Variants in PGR observed in about 807,000 individuals in gnomAD.
PGR encodes the protein progesterone receptor.
PGR carries 25 observed loss-of-function variants against 76.1 expected under a neutral mutation model. The observed-to-expected ratio is 0.33, with a 90% CI of 0.24 to 0.46. The LOEUF is 0.46. Among genes scored for constraint, PGR ranks in the 20% least tolerant of loss-of-function variants. PGR has a pLI of 1.00. For synonymous variants in PGR, 579 were observed against 535.0 expected (o/e 1.08, Z -1.14); for missense variants, 1,172 against 1,225.3 (o/e 0.96, Z 0.65).
At chr11:101,119,418 A>C (rs765349084) in intron 2 of PGR, among the ~76,000 whole-genome samples, 1 of 152,236 alleles carries the variant, frequency 6.6e-6, no homozygotes, top group Non-Finnish European at 1.5e-5. Context: ...CAAAAGCTCT[A>C]TAACTCAGAT....
At chr11:101,069,560 G>C (rs1860842930) in intron 3 of PGR, among the ~76,000 whole-genome samples, 1 of 152,112 alleles carries the variant, frequency 6.6e-6, no homozygotes, top group Non-Finnish European at 1.5e-5. Context: ...ACATGCACAT[G>C]TATGTTTACT....
intron 3 of PGR, among the ~76,000 whole-genome samples, chr11:101,066,723 C>G (rs1184490806): frequency 6.6e-6 from 1 of 152,140 alleles, no homozygotes; most frequent in African/African-American, 2.4e-5. Context: ...GCTGCTCTAG[C>G]CCCAAACTCT....
At chr11:101,098,320 G>C (rs954077377) in intron 2 of PGR, among the ~76,000 whole-genome samples, 2 of 152,116 alleles carry the variant, frequency 1.3e-5, no homozygotes, top group Non-Finnish European at 1.5e-5. Context: ...AGTGAACATA[G>C]TTCACTTAGG....
chr11:101,121,897 T>C (rs1565369397), intron 2 of PGR, among the ~76,000 whole-genome samples: 1 of 152,202 alleles, frequency 6.6e-6, no homozygotes, highest in Non-Finnish European at 1.5e-5. Context: ...CCAGGTGTGG[T>C]GGCTCACGCC....
At chr11:101,070,775 A>G (rs368605579) in intron 3 of PGR, among the ~76,000 whole-genome samples, 1 of 151,322 alleles carries the variant, frequency 6.6e-6, no homozygotes, top group South Asian at 2.1e-4. Context: ...GCCTCTCTAG[A>G]CTCCTCTCTG....
At chr11:101,044,983 G>A (rs918186672) in intron 6 of PGR, among the ~76,000 whole-genome samples, 3 of 151,994 alleles carry the variant, frequency 2.0e-5, no homozygotes, top group African/African-American at 7.2e-5. Context: ...CTGGAATTAC[G>A]GGCTTGAGCC....
chr11:101,087,932 G>C, intron 3 of PGR, among the ~76,000 whole-genome samples: 1 of 152,092 alleles, frequency 6.6e-6, no homozygotes. Flanking sequence ...TGCCAGGCAT[G>C]GTGGCTCACA....
intron 3 of PGR, among the ~76,000 whole-genome samples, chr11:101,064,813 C>G (rs919821068): frequency 2.0e-5 from 3 of 152,150 alleles, no homozygotes. Context: ...CAGTCAATGA[C>G]AGACCACATA....
At chr11:101,097,489 A>G (rs1861869435) in intron 2 of PGR, among the ~76,000 whole-genome samples, 1 of 152,214 alleles carries the variant, frequency 6.6e-6, no homozygotes, top group South Asian at 2.1e-4. Context: ...ACTCAGTTTG[A>G]TACTTTTAAC....
At chr11:101,081,707 T>C (rs1861313751) in intron 3 of PGR, among the ~76,000 whole-genome samples, 1 of 152,158 alleles carries the variant, frequency 6.6e-6, no homozygotes, top group South Asian at 2.1e-4. Context: ...AATCAAGTGC[T>C]AAAGGAATTT....
chr11:101,079,233 TAAGACC>T lies in PGR; in HGVS notation c.1906+12521_1906+12526del, dbSNP rs1452276913. On this transcript the variant is annotated intron_variant, in intron 3 of 7. Transcript: ENST00000325455. ...GACTTTTGGGTAAATATTTTTGTAG[TAAGACC>T]TCAAGGCATAGGCAATCAAGGCAAA... is the stretch of plus-strand genomic sequence containing the variant. Among the ~76,000 whole-genome samples, 5 of 152,146 alleles carry T rather than the reference TAAGACC, an allele frequency of 3.3e-5. No homozygotes were observed. The East Asian group carries it at 9.6e-4, about 29-fold the overall frequency.
Position 101,035,305 on chromosome 11 carries a change from T to C in PGR, c.*3811A>G. 8.7e-6 allele frequency: 2 copies of C among 229,544 alleles called. No individual in the cohort carries two copies. Among genetic ancestry groups the C allele is most frequent in the Non-Finnish European group, 1.7e-5 (2 of 115,720 alleles). 14.2% of individuals were successfully genotyped at this position (229,544 alleles called of 1,614,324 possible). On this transcript the variant is annotated 3_prime_UTR_variant, in exon 8 of 8. Transcript: ENST00000325455. ...CATGGCTCTGGAGTTGTAAAAGTTT[T>C]TAAAATGATTCATATTCTATCCTGA...
At chr11:101,056,007 T>C (rs1267170934) in intron 4 of PGR, among the ~76,000 whole-genome samples, 3 of 152,212 alleles carry the variant, frequency 2.0e-5, no homozygotes, top group African/African-American at 7.2e-5. Flanking sequence ...GTGATAAATG[T>C]ACAATGTTAA....
chr11:101,100,605 C>CCA (rs10682415), intron 2 of PGR, among the ~76,000 whole-genome samples: 21,754 of 147,464 alleles, frequency 0.15, 1,544 homozygotes, highest in African/African-American at 0.18. Context: ...TATTTTGAAT[C>CCA]CACACACACA....
At chr11:101,076,919 A>ATTTTTTTTTTTTTTTT (rs59106149) in intron 3 of PGR, among the ~76,000 whole-genome samples, 1 of 65,132 alleles carries the variant, frequency 1.5e-5, no homozygotes, top group Non-Finnish European at 3.3e-5. Context: ...TACAAATGGA[A>ATTTTTTTTTTTTTTTT]TTTTTTTTTT....
chr11:101,097,404 A>T (rs1861867082), intron 2 of PGR, among the ~76,000 whole-genome samples: 1 of 152,190 alleles, frequency 6.6e-6, no homozygotes, highest in African/African-American at 2.4e-5. Context: ...TCTTCTGTGT[A>T]CCAACTGCAC....
chr11:101,076,522 G>T (rs1373994529), intron 3 of PGR, among the ~76,000 whole-genome samples: 1 of 151,722 alleles, frequency 6.6e-6, no homozygotes, highest in Non-Finnish European at 1.5e-5. Flanking sequence ...AAAAAGTATG[G>T]CTTATTTAAA....
chr11:101,061,668 C>G (rs916575087), intron 4 of PGR, among the ~76,000 whole-genome samples: 3 of 152,124 alleles, frequency 2.0e-5, no homozygotes, highest in Non-Finnish European at 4.4e-5. Flanking sequence ...TTAAAAAGTT[C>G]TATTTCTAAT....
chr11:101,101,257 T>A (rs618032), intron 2 of PGR, among the ~76,000 whole-genome samples: 108,570 of 151,968 alleles, frequency 0.71, 40,434 homozygotes, highest in Non-Finnish European at 0.83. Context: ...ATATATATTT[T>A]AAAAAACATG....
Sources: allele counts gnomAD v4.1 joint callset (sites outside exome capture counted in the v4.1 genomes callset), GRCh38; gene constraint gnomAD v4.1.1; transcripts MANE v1.5; gene names NCBI Gene and HGNC (gene_info 2026-07-23, HGNC 2026-07-21).